ZNF146: variants seen among roughly 807,000 people sequenced by gnomAD.
ZNF146 encodes the protein zinc finger protein 146.
ZNF146 carries 9 observed loss-of-function variants against 22.2 expected under a neutral mutation model. The ratio of observed to expected loss-of-function variants is 0.41; its 90% CI spans 0.24 to 0.71. The LOEUF (loss-of-function observed/expected upper bound fraction) is 0.71. Ranked by LOEUF, ZNF146 falls within the 30% of genes least tolerant of loss-of-function variation. The pLI, the probability that ZNF146 is intolerant of heterozygous loss-of-function variation, is 0.34. For synonymous variants in ZNF146, 108 were observed against 119.2 expected (o/e 0.91, Z 0.61); for missense variants, 194 against 344.8 (o/e 0.56, Z 3.46).
rs185934290 is a variant in ZNF146 at position 36,232,466 on chromosome 19, G to A, written c.-782-3193G>A. Among the ~76,000 whole-genome samples, 740 of 152,102 alleles carry A rather than the reference G, an allele frequency of 4.9e-3. 6 individuals carry two copies. The highest frequency in any genetic ancestry group is 9.8e-3 in the Admixed American group (149 of 15,264). On this transcript the variant is annotated intron_variant, in intron 3 of 3. Transcript: ENST00000443387. ...CTTAAACATGGTTTTAGATTTTGCC[G>A]TCTATAGTCTGCATTATAATCCGGT...
At chr19:36,230,591 T>A (rs1317025017) in intron 3 of ZNF146, among the ~76,000 whole-genome samples, 1 of 152,030 alleles carries the variant, frequency 6.6e-6, no homozygotes, top group Non-Finnish European at 1.5e-5. Flanking sequence ...GGGTGGAAGA[T>A]CATTAGCCAG....
intron 2 of ZNF146, among the ~76,000 whole-genome samples, chr19:36,221,784 T>C (rs569230003): frequency 1.3e-5 from 2 of 152,050 alleles, no homozygotes; most frequent in Non-Finnish European, 2.9e-5. Context: ...GTTTTTTGTT[T>C]TTTGTTCTGT....
chr19:36,222,529 A>G (rs1215870997), intron 2 of ZNF146, among the ~76,000 whole-genome samples: 1 of 152,168 alleles, frequency 6.6e-6, no homozygotes, highest in Non-Finnish European at 1.5e-5. Context: ...CCTTAAACTC[A>G]CCATGAGTGT....
chr19:36,230,416 A>G (rs1461316323), intron 3 of ZNF146, among the ~76,000 whole-genome samples: 1 of 152,214 alleles, frequency 6.6e-6, no homozygotes, highest in Non-Finnish European at 1.5e-5. Context: ...AAAAATGTAT[A>G]CTATCAGATA....
At chr19:36,224,992 T>TA (rs1189052396) in intron 2 of ZNF146, among the ~76,000 whole-genome samples, 2 of 152,198 alleles carry the variant, frequency 1.3e-5, no homozygotes, top group Admixed American at 6.5e-5. Flanking sequence ...TTATTTGTAA[T>TA]TAGATTATAT....
At chr19:36,222,017 A>G (rs775889530) in intron 2 of ZNF146, among the ~76,000 whole-genome samples, 3 of 147,562 alleles carry the variant, frequency 2.0e-5, no homozygotes, top group Non-Finnish European at 3.0e-5. Flanking sequence ...GCAGCCTCCA[A>G]CTGCTGGGCT....
chr19:36,225,144 T>C (rs1162456658), intron 2 of ZNF146, among the ~76,000 whole-genome samples: 1 of 152,162 alleles, frequency 6.6e-6, no homozygotes, highest in Non-Finnish European at 1.5e-5. Context: ...AGATACAGAT[T>C]ATGATTATAT....
intron 2 of ZNF146, among the ~76,000 whole-genome samples, chr19:36,227,233 AC>A (rs1192696302): frequency 6.9e-6 from 1 of 144,242 alleles, no homozygotes. Flanking sequence ...TACTAAAATT[AC>A]AAAAATTAGC....
intron 3 of ZNF146, among the ~76,000 whole-genome samples, chr19:36,235,369 T>C (rs895379163): frequency 6.6e-6 from 1 of 152,200 alleles, no homozygotes; most frequent in Non-Finnish European, 1.5e-5. Flanking sequence ...TCAAGAGTAC[T>C]TTCAGCTTTG....
At chr19:36,221,927 C>CTTTTTTTTTTTTTTTT (rs60347994) in intron 2 of ZNF146, among the ~76,000 whole-genome samples, 2 of 109,912 alleles carry the variant, frequency 1.8e-5, no homozygotes, top group African/African-American at 3.5e-5. Flanking sequence ...TTTTTTCTTT[C>CTTTTTTTTTTTTTTTT]TTTTTTTTTT....
chr19:36,237,371 C>T lies in ZNF146; in HGVS notation c.*52C>T, dbSNP rs1409663289. 2.6e-6 allele frequency: 4 copies of T among 1,533,844 alleles called. No individual in the cohort carries two copies. The highest frequency in any genetic ancestry group is 2.8e-5 in the African/African-American group (2 of 71,958). On this transcript the variant is annotated 3_prime_UTR_variant, in exon 4 of 4. Coordinates refer to ENST00000443387, the MANE Select transcript of ZNF146 (RefSeq NM_007145.3). The stretch of plus-strand genomic sequence containing the variant: ...GAAAGCTTTCATTAGAAATTTGCAC[C>T]TCATCATGCCCCAGAAATAATCCTT...
At chr19:36,219,578 T>C (rs1976751472) in intron 2 of ZNF146, among the ~76,000 whole-genome samples, 2 of 152,198 alleles carry the variant, frequency 1.3e-5, no homozygotes, top group Non-Finnish European at 2.9e-5. Flanking sequence ...ATACTTCAAA[T>C]TGCATACCAT....
intron 2 of ZNF146, among the ~76,000 whole-genome samples, chr19:36,218,540 A>G (rs1296560727): frequency 1.3e-5 from 2 of 151,236 alleles, no homozygotes; most frequent in Admixed American, 6.6e-5. Flanking sequence ...ATCTCGGCTC[A>G]CTGCAGGCTC....
At chr19:36,227,337 A>G (rs1977115052) in intron 2 of ZNF146, among the ~76,000 whole-genome samples, 2 of 151,048 alleles carry the variant, frequency 1.3e-5, no homozygotes, top group Non-Finnish European at 3.0e-5. Context: ...TGCAGTGAGC[A>G]GAGATCACGT....
intron 2 of ZNF146, among the ~76,000 whole-genome samples, chr19:36,221,818 T>C (rs1274513779): frequency 6.6e-6 from 1 of 151,832 alleles, no homozygotes; most frequent in Non-Finnish European, 1.5e-5. Flanking sequence ...TTCTCTTCAC[T>C]CCTGTTTCCC....
intron 2 of ZNF146, among the ~76,000 whole-genome samples, chr19:36,225,892 C>G (rs1169505406): frequency 6.6e-6 from 1 of 151,134 alleles, no homozygotes; most frequent in Admixed American, 6.7e-5. Flanking sequence ...TCCCAAGTAG[C>G]TGGGACTACA....
At chr19:36,235,158 G>A (rs544334979) in intron 3 of ZNF146, among the ~76,000 whole-genome samples, 2 of 150,658 alleles carry the variant, frequency 1.3e-5, no homozygotes, top group East Asian at 2.0e-4. Flanking sequence ...GCAGTGAGCC[G>A]AGATCGCACC....
rs532116499 is a variant in ZNF146 at position 36,218,211 on chromosome 19, T to G, written c.-855+16T>G. 1 of 151,906 alleles carries G rather than the reference T, an allele frequency of 6.6e-6. No homozygotes were observed. Among genetic ancestry groups the G allele is most frequent in the Non-Finnish European group, 1.5e-5 (1 of 68,016 alleles). The allele number at this position is 151,906 out of a possible 1,614,324, so 9.4% of individuals were successfully genotyped here. On this transcript the variant is annotated intron_variant, in intron 2 of 3. Transcript: ENST00000443387. ...GGGACCTCAGGTAGGTACTTAAACC[T>G]TGGGCCTCAGTTGCTCATTTCATAG... is the stretch of plus-strand genomic sequence containing the variant.
At position 36,236,340 on chromosome 19, in the gene ZNF146, G is replaced by GT; in HGVS notation, c.-100dup. 1 of 1,375,228 alleles carries GT rather than the reference G, an allele frequency of 7.3e-7. No homozygotes were observed. The highest frequency in any genetic ancestry group is 9.8e-7 in the Non-Finnish European group (1 of 1,015,936). 85.2% of individuals were successfully genotyped at this position (1,375,228 alleles called of 1,614,324 possible). On this transcript the variant is annotated 5_prime_UTR_variant, in exon 4 of 4. It removes the in-frame stop codon of an upstream open reading frame in the 5' UTR. Coordinates refer to ENST00000443387, the MANE Select transcript of ZNF146 (RefSeq NM_007145.3). ...TCATACACAGAGAAGCCTTATAAATGTAAGAGATGTGGAAATATCTTCAGC... is the reference window on the plus strand; with the variant it reads ...TCATACACAGAGAAGCCTTATAAATGTTAAGAGATGTGGAAATATCTTCAGC...
Sources: allele counts gnomAD v4.1 joint callset (sites outside exome capture counted in the v4.1 genomes callset), GRCh38; gene constraint gnomAD v4.1.1; transcripts MANE v1.5; gene names NCBI Gene and HGNC (gene_info 2026-07-23, HGNC 2026-07-21).